Variants in EYA4 observed in about 807,000 individuals in gnomAD.
EYA4 encodes the protein EYA transcriptional coactivator and phosphatase 4.
Under a neutral mutation model 87.9 loss-of-function variants are expected in EYA4, and 31 were observed. The observed-to-expected ratio is 0.35, with a 90% CI of 0.27 to 0.48. The LOEUF (loss-of-function observed/expected upper bound fraction) is 0.48. Among genes scored for constraint, EYA4 ranks in the 20% least tolerant of loss-of-function variants. The pLI is 0.99. For synonymous variants in EYA4, 263 were observed against 270.6 expected, an observed-to-expected ratio of 0.97 and a Z score of 0.28; for missense variants, 678 against 761.4, an observed-to-expected ratio of 0.89 and a Z score of 1.29.
At chr6:133,294,996 C>A (rs1292616052) in intron 2 of EYA4, among the ~76,000 whole-genome samples, 2 of 152,150 alleles carry the variant, frequency 1.3e-5, no homozygotes, top group Non-Finnish European at 2.9e-5. Flanking sequence ...TGTAATATAG[C>A]TAAATTGCTA....
At chr6:133,293,353 A>C (rs1778644530) in intron 2 of EYA4, among the ~76,000 whole-genome samples, 1 of 152,174 alleles carries the variant, frequency 6.6e-6, no homozygotes, top group Admixed American at 6.5e-5. Context: ...ATGTAGACAA[A>C]CATTTGATGA....
chr6:133,478,863 T>C (rs1159522833), intron 11 of EYA4, among the ~76,000 whole-genome samples: 1 of 152,180 alleles, frequency 6.6e-6, no homozygotes, highest in Admixed American at 6.6e-5. Flanking sequence ...TTCATTTGAA[T>C]AGCAGAATTA....
At chr6:133,466,079 G>A (rs1317166955) in intron 10 of EYA4, among the ~76,000 whole-genome samples, 2 of 152,062 alleles carry the variant, frequency 1.3e-5, no homozygotes, top group African/African-American at 4.8e-5. Flanking sequence ...TTCAAAACGA[G>A]TAACTCATTG....
rs767024516 is a variant in EYA4 at position 133,512,749 on chromosome 6, T to C, written c.1310T>C (p.Val437Ala). Reference sequence around the variant, plus strand: ...TGTGATCAAGTTCATATAGATGATGTTTCCTCTGATGATAATGGGCAGGAC... The same window carrying C: ...TGTGATCAAGTTCATATAGATGATGCTTCCTCTGATGATAATGGGCAGGAC... ...EECDQVHIDD[V>A]SSDDNGQDLS... Residue 437 changes from valine (V) to alanine (A), a missense_variant, in exon 15 of 20, where the codon GTT becomes GCT. Transcript: ENST00000355286. The C allele has an allele frequency of 6.2e-6, 10 of 1,613,376 alleles. No individual in the cohort carries two copies. The South Asian group carries it at 9.9e-5, about 16-fold the overall frequency.
At chr6:133,364,738 C>CA (rs1404137709) in intron 2 of EYA4, among the ~76,000 whole-genome samples, 1 of 152,140 alleles carries the variant, frequency 6.6e-6, no homozygotes, top group Non-Finnish European at 1.5e-5. Flanking sequence ...GGCTGATAGT[C>CA]AAAGTATTTG....
At chr6:133,479,184 T>A (rs2128702129) in intron 11 of EYA4, among the ~76,000 whole-genome samples, 1 of 152,280 alleles carries the variant, frequency 6.6e-6, no homozygotes, top group South Asian at 2.1e-4. Flanking sequence ...AAAATGGAAC[T>A]TTTATGTGAT....
intron 2 of EYA4, among the ~76,000 whole-genome samples, chr6:133,277,944 T>A (rs1003436225): frequency 2.0e-5 from 3 of 152,216 alleles, no homozygotes; most frequent in Admixed American, 1.3e-4. Context: ...CTTGACTTTC[T>A]TGTTTTACTT....
intron 2 of EYA4, among the ~76,000 whole-genome samples, chr6:133,314,127 A>G (rs576662234): frequency 3.5e-4 from 54 of 152,334 alleles, no homozygotes; most frequent in Non-Finnish European, 7.1e-4. Context: ...TGATGAAAAT[A>G]TAACTATGGT....
chr6:133,435,876 C>T (rs1333318013), intron 3 of EYA4, among the ~76,000 whole-genome samples: 1 of 152,128 alleles, frequency 6.6e-6, no homozygotes, highest in Non-Finnish European at 1.5e-5. Flanking sequence ...TGTGCACACA[C>T]ACACACCCCC....
intron 11 of EYA4, among the ~76,000 whole-genome samples, chr6:133,473,522 G>C (rs1562462107): frequency 6.6e-6 from 1 of 152,014 alleles, no homozygotes; most frequent in Non-Finnish European, 1.5e-5. Flanking sequence ...ATCATGAATT[G>C]ATGAAATGAT....
intron 19 of EYA4, among the ~76,000 whole-genome samples, chr6:133,526,811 G>A (rs939705724): frequency 4.7e-4 from 72 of 152,136 alleles, no homozygotes; most frequent in African/African-American, 1.6e-3. Context: ...TGGCACCATA[G>A]TTATACACAA....
At chr6:133,434,369 A>G (rs1205994559) in intron 3 of EYA4, among the ~76,000 whole-genome samples, 1 of 152,216 alleles carries the variant, frequency 6.6e-6, no homozygotes, top group Admixed American at 6.5e-5. Context: ...TTGACACTAC[A>G]AGTTTTCAAA....
chr6:133,395,231 ATT>A (rs11399757), intron 3 of EYA4, among the ~76,000 whole-genome samples: 2 of 142,802 alleles, frequency 1.4e-5, no homozygotes, highest in Non-Finnish European at 1.5e-5. Context: ...TCACTTAGGG[ATT>A]TTTTTTTTTT....
chr6:133,515,610 AGTGTGTGTGTGAGTGT>A (rs959178145), intron 17 of EYA4, among the ~76,000 whole-genome samples, 175 bp downstream of exon 17: 1 of 131,500 alleles, frequency 7.6e-6, no homozygotes, highest in Non-Finnish European at 1.6e-5. Context: ...AGAGAGAGAG[AGTGTGTGTGTGAGTGT>A]GTGTGTGTGT....
At chr6:133,456,099 G>A (rs1460885608) in intron 5 of EYA4, among the ~76,000 whole-genome samples, 1 of 152,064 alleles carries the variant, frequency 6.6e-6, no homozygotes, top group Non-Finnish European at 1.5e-5. Flanking sequence ...TTGTGTGAAT[G>A]AGCCCATGGT....
intron 2 of EYA4, among the ~76,000 whole-genome samples, chr6:133,320,902 C>G (rs1395450553): frequency 6.6e-6 from 1 of 152,162 alleles, no homozygotes; most frequent in African/African-American, 2.4e-5. Flanking sequence ...TTTCTACATA[C>G]TGAGGTGTAT....
intron 2 of EYA4, among the ~76,000 whole-genome samples, chr6:133,323,008 T>G (rs1054730295): frequency 7.9e-5 from 12 of 152,048 alleles, no homozygotes; most frequent in Admixed American, 7.9e-4. Flanking sequence ...AATATAAATA[T>G]TATCAGCTTC....
chr6:133,413,896 G>A (rs550638947), intron 3 of EYA4, among the ~76,000 whole-genome samples: 24 of 152,174 alleles, frequency 1.6e-4, no homozygotes, highest in East Asian at 3.9e-4. Context: ...TTGGTGCATC[G>A]TGCCTTCTTC....
intron 2 of EYA4, among the ~76,000 whole-genome samples, chr6:133,345,299 T>C (rs140098673): frequency 3.0e-4 from 46 of 152,188 alleles, no homozygotes; most frequent in African/African-American, 1.1e-3. Flanking sequence ...TGATGAGATA[T>C]TGAGTTTGTC....
Sources: allele counts gnomAD v4.1 joint callset (sites outside exome capture counted in the v4.1 genomes callset), GRCh38; gene constraint gnomAD v4.1.1; transcripts MANE v1.5; gene names NCBI Gene and HGNC (gene_info 2026-07-23, HGNC 2026-07-21).